TUSC3: variants seen among roughly 807,000 people sequenced by gnomAD.
TUSC3 encodes tumor suppressor candidate 3.
Under a neutral mutation model 44.8 loss-of-function variants are expected in TUSC3, and 45 were observed. The ratio of observed to expected loss-of-function variants is 1.00; its 90% CI spans 0.79 to 1.29. The LOEUF is 1.29. Ranked by LOEUF, TUSC3 falls within the 50% of genes most tolerant of loss-of-function variation. The pLI is 0.00. For missense variants in TUSC3, 519 were observed against 437.9 expected (o/e 1.19, Z -1.65); for synonymous variants, 212 against 152.9 (o/e 1.39, Z -2.85).
intron 7 of TUSC3, among the ~76,000 whole-genome samples, chr8:15,737,691 A>G (rs541776991): frequency 6.6e-6 from 1 of 152,282 alleles, no homozygotes; most frequent in South Asian, 2.1e-4. Context: ...CTAGACGGCT[A>G]CACCCATCAA....
the TUSC3 span, among the ~76,000 whole-genome samples, chr8:15,842,606 G>A: frequency 6.6e-6 from 1 of 152,126 alleles, no homozygotes; most frequent in Non-Finnish European, 1.5e-5. Flanking sequence ...AGCAAGATTT[G>A]TACACAGGAG....
chr8:15,419,346 C>T (rs572293976), intron 1 of TUSC3, among the ~76,000 whole-genome samples: 7 of 152,250 alleles, frequency 4.6e-5, no homozygotes, highest in African/African-American at 1.4e-4. Context: ...CATAACTTTC[C>T]GTGCAATCAA....
intron 2 of TUSC3, among the ~76,000 whole-genome samples, chr8:15,521,313 A>T (rs1801294225): frequency 6.6e-6 from 1 of 152,116 alleles, no homozygotes; most frequent in South Asian, 2.1e-4. Context: ...GGGTTCATGC[A>T]GTGACAATAT....
At chr8:15,635,669 A>G (rs1322905567) in intron 2 of TUSC3, among the ~76,000 whole-genome samples, 1 of 152,222 alleles carries the variant, frequency 6.6e-6, no homozygotes, top group Non-Finnish European at 1.5e-5. Context: ...AAGGCTCATT[A>G]AAGTCAGTTT....
chr8:15,689,902 C>T (rs1808824898), intron 6 of TUSC3, among the ~76,000 whole-genome samples: 2 of 145,316 alleles, frequency 1.4e-5, no homozygotes, highest in Middle Eastern at 3.5e-3. Context: ...TTTTCTATAT[C>T]TGTTCTACCA....
chr8:15,518,971 C>G (rs929358967), intron 2 of TUSC3, among the ~76,000 whole-genome samples: 1 of 152,094 alleles, frequency 6.6e-6, no homozygotes, highest in African/African-American at 2.4e-5. Flanking sequence ...AAAATCGAAT[C>G]AATATATTAA....
At chr8:15,480,234 A>C (rs1800639928) in intron 1 of TUSC3, among the ~76,000 whole-genome samples, 1 of 152,248 alleles carries the variant, frequency 6.6e-6, no homozygotes, top group African/African-American at 2.4e-5. Flanking sequence ...AAGAATCAAC[A>C]ACATAAAAAT....
chr8:15,469,347 G>T (rs533834121), intron 1 of TUSC3, among the ~76,000 whole-genome samples: 6 of 152,196 alleles, frequency 3.9e-5, no homozygotes, highest in South Asian at 2.1e-4. Flanking sequence ...ATGGGCCGAA[G>T]ATCTGAATGG....
chr8:15,845,301 G>T, the TUSC3 span, among the ~76,000 whole-genome samples: 16 of 152,124 alleles, frequency 1.1e-4, no homozygotes, highest in Admixed American at 1.0e-3. Context: ...TGCAAAGTGA[G>T]GAGTTTTGAT....
chr8:15,674,680 A>G (rs1808104309), intron 6 of TUSC3, among the ~76,000 whole-genome samples: 1 of 151,910 alleles, frequency 6.6e-6, no homozygotes, highest in African/African-American at 2.4e-5. Flanking sequence ...TTTTGGGAAC[A>G]TTTTCAGATT....
intron 2 of TUSC3, among the ~76,000 whole-genome samples, chr8:15,649,949 T>G (rs1324819162): frequency 3.9e-5 from 6 of 152,346 alleles, no homozygotes; most frequent in Non-Finnish European, 5.9e-5. Flanking sequence ...TGTTGCTTCT[T>G]ATTTCTATTA....
intron 1 of TUSC3, among the ~76,000 whole-genome samples, chr8:15,462,427 C>T (rs945719770): frequency 3.3e-5 from 5 of 151,986 alleles, no homozygotes; most frequent in African/African-American, 4.8e-5. Flanking sequence ...GGTAAACTGA[C>T]ACTCATAGAC....
At chr8:15,585,873 C>G (rs1269253565) in intron 1 of TUSC3, among the ~76,000 whole-genome samples, 1 of 152,152 alleles carries the variant, frequency 6.6e-6, no homozygotes, top group Non-Finnish European at 1.5e-5. Context: ...TGTTTCTCCT[C>G]TCTCAATAAT....
intron 1 of TUSC3, among the ~76,000 whole-genome samples, chr8:15,594,709 C>T (rs550576656): frequency 6.6e-6 from 1 of 152,090 alleles, no homozygotes; most frequent in Non-Finnish European, 1.5e-5. Context: ...ATTACTGGTC[C>T]TCTGTGAGTG....
chr8:15,827,983 G>C, the TUSC3 span, among the ~76,000 whole-genome samples: 1 of 138,922 alleles, frequency 7.2e-6, no homozygotes, highest in Admixed American at 8.0e-5. Flanking sequence ...AACTAATGCA[G>C]AATTTGGTAT....
At chr8:15,737,625 G>C (rs1404923856) in intron 7 of TUSC3, among the ~76,000 whole-genome samples, 1 of 152,082 alleles carries the variant, frequency 6.6e-6, no homozygotes, top group East Asian at 1.9e-4. Flanking sequence ...TAGGATAAAG[G>C]GTAGAGGTCC....
intron 5 of TUSC3, among the ~76,000 whole-genome samples, chr8:15,666,755 T>C (rs1807681607): frequency 6.6e-6 from 1 of 151,446 alleles, no homozygotes; most frequent in East Asian, 1.9e-4. Flanking sequence ...ATAATGTTGT[T>C]TTTGGATGGC....
chr8:15,824,751 TA>T, the TUSC3 span, among the ~76,000 whole-genome samples: 3 of 152,184 alleles, frequency 2.0e-5, no homozygotes, highest in East Asian at 1.9e-4. Flanking sequence ...TAAAGTGTAA[TA>T]AAAAAAACCT....
At chr8:15,759,376 C>G (rs967301928) in intron 10 of TUSC3, among the ~76,000 whole-genome samples, 2 of 151,954 alleles carry the variant, frequency 1.3e-5, no homozygotes, top group Non-Finnish European at 2.9e-5. Context: ...CTGAGGATAT[C>G]GGAACTTAAC....
Sources: gnomAD v4.1 joint callset for allele counts (sites outside exome capture counted in the v4.1 genomes callset) on GRCh38, gnomAD v4.1.1 for gene constraint, MANE v1.5 for transcripts, NCBI Gene and HGNC (gene_info 2026-07-23, HGNC 2026-07-21) for gene names.